PCDHA3: variants seen among roughly 807,000 people sequenced by gnomAD.
The protein encoded by PCDHA3 is protocadherin alpha-3.
PCDHA3 carries 41 observed loss-of-function variants against 62.2 expected under a neutral mutation model. The observed-to-expected ratio is 0.66, with a 90% CI of 0.51 to 0.86. The LOEUF is 0.86. PCDHA3 is among the 40% of genes least tolerant of loss of function. The probability of loss-of-function intolerance (pLI) is 0.00; values close to 1 mark genes in which losing one functional copy is unlikely to be tolerated. For synonymous variants in PCDHA3, 640 were observed against 555.4 expected (o/e 1.15, Z -2.14); for missense variants, 1,304 against 1,241.2 (o/e 1.05, Z -0.76).
chr5:140,939,851 A>G (rs1313215259), intron 1 of PCDHA3, among the ~76,000 whole-genome samples: 2 of 152,206 alleles, frequency 1.3e-5, no homozygotes, highest in African/African-American at 4.8e-5. Context: ...TGTGTTCTGT[A>G]TATGTCCATT....
At chr5:140,962,676 G>C (rs1201696145) in intron 1 of PCDHA3, among the ~76,000 whole-genome samples, 1 of 152,126 alleles carries the variant, frequency 6.6e-6, no homozygotes, top group Non-Finnish European at 1.5e-5. Context: ...CCATCCACTG[G>C]ATGTTTTATC....
intron 3 of PCDHA3, among the ~76,000 whole-genome samples, chr5:141,002,832 C>T (rs147080489): frequency 1.2e-4 from 18 of 152,242 alleles, no homozygotes; most frequent in Admixed American, 2.6e-4. Context: ...GTAAATGGCC[C>T]AGGACTATGC....
intron 1 of PCDHA3, among the ~76,000 whole-genome samples, chr5:140,833,185 A>G (rs1772342478): frequency 6.6e-6 from 1 of 152,226 alleles, no homozygotes; most frequent in African/African-American, 2.4e-5. Flanking sequence ...GACTGCAAGG[A>G]TTAAATGAAG....
chr5:140,862,825 C>G (rs782012901), intron 1 of PCDHA3: 2 of 572,056 alleles, frequency 3.5e-6, no homozygotes, highest in South Asian at 2.7e-5. Flanking sequence ...GGTGAGAGCG[C>G]GCGACGCGGG....
At chr5:140,968,835 A>C in intron 1 of PCDHA3, 2 of 1,614,194 alleles carry the variant, frequency 1.2e-6, no homozygotes, top group Non-Finnish European at 1.7e-6. Flanking sequence ...ATCCTCCCTG[A>C]CACTCAGAGG....
At chr5:140,807,188 A>G (rs1554123775) in intron 1 of PCDHA3, 1 of 1,613,140 alleles carries the variant, frequency 6.2e-7, no homozygotes, top group Admixed American at 1.7e-5. Context: ...TGCACTAAAG[A>G]TGGAGTTTTC....
rs540789660 is a variant in PCDHA3 at position 140,802,461 on chromosome 5, G to T, written c.1264G>T (p.Glu422Ter). Residue 422 changes from glutamate to a stop codon, truncating the protein, a stop_gained, in exon 1 of 4, where the codon GAG (glutamate) becomes TAG (stop). Transcript: ENST00000522353. LOFTEE classifies it high-confidence loss of function. The stretch of plus-strand genomic sequence containing the variant: ...GGACCGCGAGAGCGTGTCGGCCTAT[G>T]AGCTGGTGGTGACTGCTCGGGACGG... ...PLDRESVSAY[E>*]LVVTARDGGS... The T allele has an allele frequency of 5.0e-6, 8 of 1,614,214 alleles. No individual in the cohort carries two copies. In the African/African-American group the frequency reaches 1.1e-4, roughly 22 times the overall value.
intron 1 of PCDHA3, chr5:140,849,998 G>C (rs1331024860): frequency 6.3e-7 from 1 of 1,597,138 alleles, no homozygotes; most frequent in Admixed American, 1.7e-5. Context: ...GGTTGGGCGA[G>C]CGCTCGCTGT....
At chr5:140,912,679 T>G (rs367681467) in intron 1 of PCDHA3, among the ~76,000 whole-genome samples, 3 of 152,334 alleles carry the variant, frequency 2.0e-5, no homozygotes, top group South Asian at 4.1e-4. Context: ...CCTTGACTTA[T>G]TCCAGGTCTC....
At chr5:140,805,392 G>C in intron 1 of PCDHA3, 2 of 1,088,008 alleles carry the variant, frequency 1.8e-6, no homozygotes, top group Non-Finnish European at 2.2e-6. Flanking sequence ...TCTGGTTTCT[G>C]TTTGATTCAG....
chr5:140,823,029 G>A lies in PCDHA3; in HGVS notation c.2394+19438G>A, dbSNP rs2150121512. 5.3e-5 allele frequency: 85 copies of A among 1,614,220 alleles called. No homozygotes were observed. In the Middle Eastern group the frequency reaches 8.3e-4, roughly 16 times the overall value. On this transcript the variant is annotated intron_variant, in intron 1 of 3. Coordinates refer to ENST00000522353, the MANE Select transcript of PCDHA3 (RefSeq NM_018906.3). ...GCGCCCTGGACCGCGAGAGCGTGTC[G>A]GTCTATGAGCTGGTGGTGACCGCGC...
Position 140,801,968 on chromosome 5 carries a change from TG to T in PCDHA3, c.773del (p.Gly258ValfsTer3), listed in dbSNP as rs781928400. The T allele has an allele frequency of 1.9e-6, 3 of 1,614,192 alleles. No homozygotes were observed. In the East Asian group the frequency reaches 6.7e-5, roughly 36 times the overall value. On this transcript the variant is annotated frameshift_variant, in exon 1 of 4. Transcript: ENST00000522353. LOFTEE classifies it high-confidence loss of function. ...KVRLLENAPNGTLVVTVNATD... is the reference protein window; with the variant it reads ...KVRLLENAPNXTLVVTVNATD... ...TCAGATTACTCGAAAATGCACCAAA[TG>T]GTACCCTAGTGGTGACCGTTAACGC...
intron 1 of PCDHA3, among the ~76,000 whole-genome samples, chr5:140,978,710 A>G (rs576055391): frequency 1.3e-5 from 2 of 152,378 alleles, no homozygotes; most frequent in East Asian, 3.9e-4. Flanking sequence ...GGTGGCCTTT[A>G]CAAGATTATT....
intron 1 of PCDHA3, among the ~76,000 whole-genome samples, chr5:140,939,130 A>T (rs1183803741): frequency 6.6e-6 from 1 of 152,204 alleles, no homozygotes; most frequent in Admixed American, 6.5e-5. Context: ...TGGAAGCTGG[A>T]AAGTTGATGA....
intron 1 of PCDHA3, chr5:140,808,469 C>A: frequency 6.2e-7 from 1 of 1,614,170 alleles, no homozygotes; most frequent in Non-Finnish European, 8.5e-7. Flanking sequence ...GGTGACCGCG[C>A]GAGACGGGGG....
At chr5:140,980,354 G>A (rs1387213682) in intron 2 of PCDHA3, among the ~76,000 whole-genome samples, 1 of 152,138 alleles carries the variant, frequency 6.6e-6, no homozygotes, top group Non-Finnish European at 1.5e-5. Flanking sequence ...TTCCTGGACT[G>A]GGCGCGGTGG....
chr5:140,969,473 A>G (rs562575347), intron 1 of PCDHA3: 1 of 1,478,090 alleles, frequency 6.8e-7, no homozygotes, highest in Non-Finnish European at 9.0e-7. Flanking sequence ...CCACAATTTG[A>G]TCATAATCTG....
At chr5:140,870,477 G>A (rs781992966) in intron 1 of PCDHA3, 2 of 1,614,238 alleles carry the variant, frequency 1.2e-6, no homozygotes, top group East Asian at 2.2e-5. Flanking sequence ...CACAGCCCGA[G>A]TACACCGTGT....
chr5:140,961,716 G>A (rs2095631233), intron 1 of PCDHA3, among the ~76,000 whole-genome samples: 1 of 152,082 alleles, frequency 6.6e-6, no homozygotes, highest in African/African-American at 2.4e-5. Flanking sequence ...TCATTTCTAA[G>A]TGCTCATAAA....
Sources: gnomAD v4.1 joint callset for allele counts (sites outside exome capture counted in the v4.1 genomes callset) on GRCh38, gnomAD v4.1.1 for gene constraint, MANE v1.5 for transcripts, NCBI Gene and HGNC (gene_info 2026-07-23, HGNC 2026-07-21) for gene names.